Variants in ARPC4 observed in about 807,000 individuals in gnomAD.
ARPC4 encodes actin-related protein 2/3 complex subunit 4.
In ARPC4, 3 loss-of-function variants were observed where a neutral mutation model predicts 22.8. The observed-to-expected ratio is 0.13, with a 90% CI of 0.06 to 0.34. The LOEUF (loss-of-function observed/expected upper bound fraction) is 0.34, where lower values mean the gene tolerates loss of function less well. Among genes scored for constraint, ARPC4 ranks in the 10% least tolerant of loss-of-function variants. ARPC4 has a pLI of 1.00. For missense variants in ARPC4, 98 were observed against 211.0 expected, an observed-to-expected ratio of 0.46 and a Z score of 3.32; for synonymous variants, 80 against 72.5, an observed-to-expected ratio of 1.10 and a Z score of -0.52.
intron 5 of ARPC4, chr3:9,804,305 C>T (rs531831407): frequency 3.1e-5 from 9 of 288,490 alleles, no homozygotes; most frequent in Middle Eastern, 1.1e-3. Flanking sequence ...AAGTCCTTGC[C>T]TCTATCTCGT....
chr3:9,800,518 G>A (rs1168860597), intron 3 of ARPC4, among the ~76,000 whole-genome samples: 5 of 152,036 alleles, frequency 3.3e-5, no homozygotes, highest in East Asian at 3.9e-4. Context: ...TCTGCCTCCC[G>A]GGTTCAAGCA....
At chr3:9,804,059 G>T in intron 5 of ARPC4, 46 bp downstream of exon 5, 4 of 1,603,440 alleles carry the variant, frequency 2.5e-6, no homozygotes, top group Non-Finnish European at 3.4e-6. Context: ...AGAGGATCTG[G>T]GGGTCATGTT....
Position 9,793,416 on chromosome 3 carries a change from CTT to C in ARPC4, c.3+294_3+295del, listed in dbSNP as rs376118110. 1.7e-3 allele frequency among the ~76,000 whole-genome samples: 256 copies of C among 152,312 alleles called. 3 individuals carry two copies. Among genetic ancestry groups the C allele is most frequent in the Admixed American group, 0.011 (161 of 15,290 alleles). On this transcript the variant is annotated intron_variant, in intron 1 of 5. Transcript: ENST00000397261. ...ACCCGGAAGTGGGGTCTCCTAGGCT[CTT>C]TGGAGCATTTCGAGGGTACGTAGTC...
chr3:9,792,688 G>A (rs1050115074), upstream of ARPC4: 2 of 1,233,226 alleles, frequency 1.6e-6, no homozygotes, highest in African/African-American at 3.1e-5. Context: ...TAGCCCCGCC[G>A]AGCGCCAGGA....
At chr3:9,792,608 T>C, upstream of ARPC4, 1 of 1,230,390 alleles carries the variant, frequency 8.1e-7, no homozygotes, top group Non-Finnish European at 1.0e-6. Context: ...GTGGTCGGCC[T>C]CAGGCGAGCC....
At chr3:9,802,094 C>T (rs945038782) in intron 4 of ARPC4, among the ~76,000 whole-genome samples, 3 of 151,558 alleles carry the variant, frequency 2.0e-5, no homozygotes, top group Admixed American at 1.3e-4. Context: ...CAAAAATTAG[C>T]TGGGCATGGT....
chr3:9,796,164 T>C (rs1170376256), intron 1 of ARPC4, among the ~76,000 whole-genome samples: 1 of 151,516 alleles, frequency 6.6e-6, no homozygotes, highest in African/African-American at 2.4e-5. Context: ...GAGGCCGAGG[T>C]GGGCGGATTG....
rs374104136 is a variant in ARPC4 at position 9,796,940 on chromosome 3, C to CAAAA, written c.4-703_4-700dup. ...TGGGCAACAGAGCGAGACTCTGTCT[C>CAAAA]AAAAAAAAAAAAAAAAAAAGAATGT... On this transcript the variant is annotated intron_variant, in intron 1 of 5. Coordinates refer to ENST00000397261, the MANE Select transcript of ARPC4 (RefSeq NM_005718.5). 2.6e-3 allele frequency among the ~76,000 whole-genome samples: 298 copies of CAAAA among 114,612 alleles called. 3 individuals are homozygous for CAAAA. Among genetic ancestry groups the CAAAA allele is most frequent in the Admixed American group, 0.015 (161 of 10,460 alleles). 75.2% of individuals were successfully genotyped at this position (114,612 alleles called of 152,430 possible). A position where few individuals can be genotyped will look rare whatever the true frequency, so the allele number is the denominator to read the frequency against.
chr3:9,795,715 G>C (rs1000932385), intron 1 of ARPC4, among the ~76,000 whole-genome samples: 1 of 152,208 alleles, frequency 6.6e-6, no homozygotes, highest in African/African-American at 2.4e-5. Flanking sequence ...TACTGAGCTA[G>C]GTTGGAGGCT....
At chr3:9,796,128 T>G (rs1422287711) in intron 1 of ARPC4, among the ~76,000 whole-genome samples, 2 of 151,784 alleles carry the variant, frequency 1.3e-5, no homozygotes, top group Non-Finnish European at 2.9e-5. Flanking sequence ...GCACGTTGGC[T>G]CACGCCTGTA....
chr3:9,792,674 C>A (rs2078768425), upstream of ARPC4: 3 of 1,232,804 alleles, frequency 2.4e-6, no homozygotes, highest in Non-Finnish European at 3.0e-6. Context: ...CTCCGCGCTG[C>A]AGTTAGCCCC....
chr3:9,794,498 CA>C (rs992651881), intron 1 of ARPC4, among the ~76,000 whole-genome samples: 40 of 145,808 alleles, frequency 2.7e-4, no homozygotes, highest in Admixed American at 1.0e-3. Context: ...GACTCCGTCT[CA>C]AAAAAAAAAG....
rs951725678 is a variant in ARPC4 at position 9,797,606 on chromosome 3, G to A, written c.4-53G>A. 6 of 1,582,830 alleles carry A rather than the reference G, an allele frequency of 3.8e-6. No individual in the cohort carries two copies. The African/African-American group carries it at 4.0e-5, about 11-fold the overall frequency. ...TGGGAGCTGGAATAGGGGATCGGTGGGTTTGGCGTGACAGATTTTGATCTT... is the reference window on the plus strand; with the variant it reads ...TGGGAGCTGGAATAGGGGATCGGTGAGTTTGGCGTGACAGATTTTGATCTT... On this transcript the variant is annotated intron_variant, in intron 1 of 5. Transcript: ENST00000397261.
intron 4 of ARPC4, 143 bp from the exon 5 acceptor site, chr3:9,803,700 C>G (rs962402659): frequency 1.0e-6 from 1 of 972,960 alleles, no homozygotes; most frequent in East Asian, 2.4e-5. Flanking sequence ...GGGCTGCTGA[C>G]TGGAAGGGTA....
chr3:9,798,119 T>TA, intron 2 of ARPC4: 1 of 175,666 alleles, frequency 5.7e-6, no homozygotes, highest in East Asian at 1.7e-4. Flanking sequence ...TCCATACTTT[T>TA]CTTTTTTTTT....
intron 4 of ARPC4, among the ~76,000 whole-genome samples, chr3:9,802,043 A>G (rs2079020157): frequency 6.6e-6 from 1 of 152,060 alleles, no homozygotes; most frequent in Admixed American, 6.6e-5. Flanking sequence ...GTTCAAGACC[A>G]GCCTGGCCAA....
chr3:9,794,731 A>T (rs1440936296), intron 1 of ARPC4, among the ~76,000 whole-genome samples: 8 of 151,924 alleles, frequency 5.3e-5, no homozygotes. Flanking sequence ...CAAAATACAG[A>T]ACATTTCCGT....
chr3:9,799,908 A>C (rs749287015), intron 2 of ARPC4: 4 of 568,906 alleles, frequency 7.0e-6, no homozygotes, highest in Non-Finnish European at 1.3e-5. Context: ...AATCAGAGTC[A>C]TTTTACAGAT....
chr3:9,793,019 G>T, upstream of ARPC4: 1 of 1,531,904 alleles, frequency 6.5e-7, no homozygotes. Flanking sequence ...GGTACCGTCC[G>T]GAAGTCCGGG....
Sources: gnomAD v4.1 joint callset for allele counts (sites outside exome capture counted in the v4.1 genomes callset) on GRCh38, gnomAD v4.1.1 for gene constraint, MANE v1.5 for transcripts, NCBI Gene and HGNC (gene_info 2026-07-23, HGNC 2026-07-21) for gene names.